The following SNX30 variants were observed in gnomAD, a reference collection of about 807,000 sequenced individuals.
SNX30 encodes sorting nexin-30.
SNX30 carries 24 observed loss-of-function variants against 46.4 expected under a neutral mutation model. That is an observed-to-expected ratio of 0.52 (90% CI 0.37 to 0.73). The LOEUF (loss-of-function observed/expected upper bound fraction) is 0.73. Among genes scored for constraint, SNX30 ranks in the 30% least tolerant of loss-of-function variants. The pLI is 0.00. For synonymous variants in SNX30, 189 were observed against 211.5 expected (o/e 0.89, Z 0.92); for missense variants, 533 against 555.7 (o/e 0.96, Z 0.41).
chr9:112,761,310 A>ATG (rs1839432452), intron 1 of SNX30, among the ~76,000 whole-genome samples: 1 of 152,056 alleles, frequency 6.6e-6, no homozygotes, highest in African/African-American at 2.4e-5. Context: ...TTACAGGTGC[A>ATG]TGCCACCACG....
chr9:112,811,528 G>C (rs1840319645), intron 2 of SNX30, among the ~76,000 whole-genome samples: 2 of 152,122 alleles, frequency 1.3e-5, no homozygotes. Flanking sequence ...GTCATTCTGT[G>C]CTGGGTCTTC....
At chr9:112,882,617 TAAAAA>T (rs1057325753), downstream of SNX30, among the ~76,000 whole-genome samples, 7 of 151,890 alleles carry the variant, frequency 4.6e-5, no homozygotes, top group Admixed American at 1.3e-4. Flanking sequence ...GCAGTAGAGA[TAAAAA>T]GAAAAGCATA....
chr9:112,863,587 A>T (rs1232758747), intron 7 of SNX30, among the ~76,000 whole-genome samples: 1 of 152,236 alleles, frequency 6.6e-6, no homozygotes, highest in East Asian at 1.9e-4. Flanking sequence ...TTTGAATTTC[A>T]AATTTTTTTG....
At chr9:112,759,854 GA>G (rs1839409548) in intron 1 of SNX30, among the ~76,000 whole-genome samples, 1 of 152,136 alleles carries the variant, frequency 6.6e-6, no homozygotes, top group African/African-American at 2.4e-5. Flanking sequence ...TCTCATCTGT[GA>G]AAAGGGGATA....
chr9:112,794,703 ACT>A (rs1229952324), intron 1 of SNX30, among the ~76,000 whole-genome samples: 12 of 152,082 alleles, frequency 7.9e-5, no homozygotes, highest in Admixed American at 7.2e-4. Flanking sequence ...AGTCTATACC[ACT>A]CTCTTCATAA....
intron 1 of SNX30, among the ~76,000 whole-genome samples, chr9:112,789,181 G>A (rs1564269733): frequency 2.6e-5 from 4 of 152,206 alleles, no homozygotes; most frequent in Admixed American, 2.6e-4. Context: ...AAAGCTGTCT[G>A]CTTGTTCTGT....
chr9:112,832,772 A>C (rs1840686462), intron 4 of SNX30, among the ~76,000 whole-genome samples: 1 of 148,470 alleles, frequency 6.7e-6, no homozygotes, highest in Non-Finnish European at 1.5e-5. Context: ...AACTTAAAGT[A>C]TAATAATAAA....
intron 1 of SNX30, among the ~76,000 whole-genome samples, chr9:112,765,430 C>T (rs193218108): frequency 3.9e-5 from 6 of 152,300 alleles, no homozygotes; most frequent in Non-Finnish European, 8.8e-5. Context: ...ATACCCCATA[C>T]CTGTGAGCAA....
intron 1 of SNX30, among the ~76,000 whole-genome samples, chr9:112,751,465 G>C (rs888293049): frequency 6.6e-6 from 1 of 152,224 alleles, no homozygotes; most frequent in African/African-American, 2.4e-5. Flanking sequence ...CTGTGTCCTC[G>C]GATGGGGTTC....
rs1422127334 is a variant in SNX30, at chr9:112,804,804, C to T, written c.185C>T (p.Pro62Leu). 6 of 1,612,154 alleles carry T rather than the reference C, an allele frequency of 3.7e-6. No individual in the cohort carries two copies. Among genetic ancestry groups the T allele is most frequent in the South Asian group, 1.1e-5 (1 of 90,792 alleles). ...CTCATTTTGCCCAACGGTGGTACTC[C>T]AGCAGGTACTTCAAGTCCAGCTTCT... ...KDLILPNGGTPAGTSSPASSS... is the reference protein window; with the variant it reads ...KDLILPNGGTLAGTSSPASSS... Residue 62 changes from proline to leucine, a missense_variant, in exon 2 of 9, where the codon CCA (proline) becomes CTA (leucine). Around this residue, in one of 3 missense-constraint regions of SNX30, gnomAD observed 191 missense variants for 160.3 expected, o/e 1.19. Coordinates refer to ENST00000374232, the MANE Select transcript of SNX30 (RefSeq NM_001012994.2).
intron 4 of SNX30, among the ~76,000 whole-genome samples, chr9:112,832,294 C>T (rs1840671156): frequency 6.6e-6 from 1 of 152,002 alleles, no homozygotes; most frequent in Non-Finnish European, 1.5e-5. Context: ...TCTCCAAAAG[C>T]ACAACTCACT....
downstream of SNX30, among the ~76,000 whole-genome samples, chr9:112,882,506 C>T (rs987364920): frequency 2.6e-5 from 4 of 152,170 alleles, no homozygotes; most frequent in African/African-American, 4.8e-5. Flanking sequence ...CTTGCTCTGG[C>T]CACCTGCTGG....
chr9:112,850,844 C>A lies in SNX30; in HGVS notation c.1015-15C>A. ...GGACTCAGTGTTACATGCTTCTCTC[C>A]TCTGCCTCCCACAGAGTGTATTGAA... On this transcript the variant is annotated splice_polypyrimidine_tract_variant and intron_variant, in intron 6 of 8. Transcript: ENST00000374232. The A allele has an allele frequency of 6.2e-7, 1 of 1,606,642 alleles. No individual in the cohort carries two copies. Among genetic ancestry groups the A allele is most frequent in the Non-Finnish European group, 8.5e-7 (1 of 1,174,000 alleles).
At chr9:112,807,124 G>C (rs1840240876) in intron 2 of SNX30, among the ~76,000 whole-genome samples, 1 of 126,996 alleles carries the variant, frequency 7.9e-6, no homozygotes, top group Non-Finnish European at 1.5e-5. Context: ...GAGTGTAGTG[G>C]CGTGATCTCA....
chr9:112,757,958 C>A lies in SNX30; in HGVS notation c.156+6801C>A, dbSNP rs1406493561. 3.3e-5 allele frequency among the ~76,000 whole-genome samples: 5 copies of A among 152,176 alleles called. No homozygotes were observed. In the East Asian group the frequency reaches 9.6e-4, roughly 29 times the overall value. ...GGGGCTTCAGTGGTCCTGGACACTC[C>A]TTCTTTTCCACAGACCCTCCGTCTG... On this transcript the variant is annotated intron_variant, in intron 1 of 8. Coordinates refer to ENST00000374232, the MANE Select transcript of SNX30 (RefSeq NM_001012994.2).
At chr9:112,820,342 C>T (rs1539345) in intron 3 of SNX30, among the ~76,000 whole-genome samples, 122,843 of 152,082 alleles carry the variant, frequency 0.81, 49,603 homozygotes, top group Middle Eastern at 0.86. Flanking sequence ...CCCCCTCATC[C>T]GCTACAAAAA....
chr9:112,841,557 T>C (rs1564288310), intron 6 of SNX30, among the ~76,000 whole-genome samples: 2 of 152,274 alleles, frequency 1.3e-5, no homozygotes, highest in East Asian at 3.9e-4. Context: ...CCAAGCTCTA[T>C]CCCCGATAGT....
chr9:112,876,573 C>T (rs1841519820), downstream of SNX30, among the ~76,000 whole-genome samples: 2 of 152,092 alleles, frequency 1.3e-5, no homozygotes, highest in Non-Finnish European at 2.9e-5. Context: ...AAATGAAGTT[C>T]TGGAGTCCAT....
intron 2 of SNX30, among the ~76,000 whole-genome samples, chr9:112,806,364 C>G (rs1840224212): frequency 6.6e-6 from 1 of 152,096 alleles, no homozygotes; most frequent in Non-Finnish European, 1.5e-5. Context: ...AGTTAGGAAG[C>G]TATCCTATTT....
Sources: gnomAD v4.1 joint callset for allele counts (sites outside exome capture counted in the v4.1 genomes callset) on GRCh38, gnomAD v4.1.1 for gene constraint, gnomAD v4.1.1 regional missense constraint, MANE v1.5 for transcripts, NCBI Gene and HGNC (gene_info 2026-07-23, HGNC 2026-07-21) for gene names.